ATG14: variants seen among roughly 807,000 people sequenced by gnomAD.
ATG14 encodes autophagy related 14.
Under a neutral mutation model 60.4 loss-of-function variants are expected in ATG14, and 35 were observed. That is an observed-to-expected ratio of 0.58 (90% CI 0.44 to 0.77). The LOEUF is 0.77. Ranked by LOEUF, ATG14 falls within the 30% of genes least tolerant of loss-of-function variation. The pLI, the probability that ATG14 is intolerant of heterozygous loss-of-function variation, is 0.00. For missense variants in ATG14, 647 were observed against 626.3 expected, an observed-to-expected ratio of 1.03 and a Z score of -0.35; for synonymous variants, 234 against 228.8, an observed-to-expected ratio of 1.02 and a Z score of -0.21.
At chr14:55,375,482 C>T (rs940503709) in intron 9 of ATG14, among the ~76,000 whole-genome samples, 20 of 141,368 alleles carry the variant, frequency 1.4e-4, no homozygotes, top group African/African-American at 4.7e-4. Flanking sequence ...ATTACCACGC[C>T]GGGCTAAATT....
At chr14:55,410,996 T>C (rs1034059846) in intron 1 of ATG14, among the ~76,000 whole-genome samples, 29 of 152,210 alleles carry the variant, frequency 1.9e-4, no homozygotes, top group African/African-American at 7.0e-4. Flanking sequence ...CAGCTCCCAA[T>C]CTGAATTTTA....
chr14:55,407,926 G>A (rs191554114), intron 1 of ATG14, among the ~76,000 whole-genome samples: 264 of 152,190 alleles, frequency 1.7e-3, no homozygotes, highest in African/African-American at 3.8e-3. Context: ...CAGAAGAAAC[G>A]GCAAGGAAAA....
intron 9 of ATG14, among the ~76,000 whole-genome samples, chr14:55,377,074 C>T (rs1192867912): frequency 1.3e-5 from 2 of 152,134 alleles, no homozygotes; most frequent in African/African-American, 2.4e-5. Context: ...TGGCCAGGCA[C>T]GGTGGCTCAA....
chr14:55,366,687 C>T lies in ATG14; in HGVS notation c.*2932G>A, dbSNP rs1325232999. The T allele has an allele frequency of 1.3e-5, 2 of 152,498 alleles. No individual in the cohort carries two copies. Among genetic ancestry groups the T allele is most frequent in the African/African-American group, 4.8e-5 (2 of 41,440 alleles). The allele number at this position is 152,498 out of a possible 1,614,324, so 9.4% of individuals were successfully genotyped here. A position where few individuals can be genotyped will look rare whatever the true frequency, so the allele number is the denominator to read the frequency against. ...AATGTCTTTAACAGACCATTTTAAG[C>T]AGCCTGTTTGGTGCCTGTGGGTTTT... is the stretch of plus-strand genomic sequence containing the variant. On this transcript the variant is annotated 3_prime_UTR_variant, in exon 10 of 10. Coordinates refer to ENST00000247178, the MANE Select transcript of ATG14 (RefSeq NM_014924.5).
chr14:55,378,920 C>A (rs2140127241), intron 7 of ATG14, among the ~76,000 whole-genome samples: 1 of 152,102 alleles, frequency 6.6e-6, no homozygotes, highest in East Asian at 1.9e-4. Context: ...GTTTCCCAGG[C>A]TGGTCTCTAA....
Position 55,386,799 on chromosome 14 carries a change from G to GC in ATG14, c.410-704dup, listed in dbSNP as rs773445604. Among the ~76,000 whole-genome samples, 5 of 152,276 alleles carry GC rather than the reference G, an allele frequency of 3.3e-5. No homozygotes were observed. In the East Asian group the frequency reaches 9.7e-4, roughly 29 times the overall value. ...AGTTCTGGATCCTACACCTGCTAGG[G>GC]CTGTTGGGCTGTAGCTAAACTTCAC... is the stretch of plus-strand genomic sequence containing the variant. On this transcript the variant is annotated intron_variant, in intron 4 of 9. Transcript: ENST00000247178.
intron 9 of ATG14, among the ~76,000 whole-genome samples, chr14:55,377,428 G>C (rs184720951): frequency 2.1e-4 from 32 of 152,238 alleles, no homozygotes; most frequent in African/African-American, 7.5e-4. Context: ...AAACAGGGCA[G>C]ACACTAGGTA....
At chr14:55,398,984 C>T (rs565419569) in intron 1 of ATG14, among the ~76,000 whole-genome samples, 31 of 152,248 alleles carry the variant, frequency 2.0e-4, no homozygotes, top group African/African-American at 7.0e-4. Flanking sequence ...CAAGAATAGG[C>T]TTTTGGCTAT....
chr14:55,398,647 C>A (rs1343434939), intron 1 of ATG14, among the ~76,000 whole-genome samples: 1 of 152,026 alleles, frequency 6.6e-6, no homozygotes, highest in African/African-American at 2.4e-5. Flanking sequence ...TGATTTCGAT[C>A]TTGTAACCTG....
chr14:55,370,857 T>A (rs1178050822), intron 9 of ATG14, among the ~76,000 whole-genome samples: 1 of 152,022 alleles, frequency 6.6e-6, no homozygotes, highest in Non-Finnish European at 1.5e-5. Context: ...GCCAGGCTGG[T>A]CTTGAACTCC....
chr14:55,375,119 C>T (rs1884893134), intron 9 of ATG14, among the ~76,000 whole-genome samples: 1 of 152,180 alleles, frequency 6.6e-6, no homozygotes, highest in Admixed American at 6.5e-5. Flanking sequence ...TTCAGCTCCA[C>T]TCCTCATACG....
chr14:55,386,468 A>C (rs1885127524), intron 4 of ATG14, among the ~76,000 whole-genome samples: 1 of 152,226 alleles, frequency 6.6e-6, no homozygotes, highest in Non-Finnish European at 1.5e-5. Flanking sequence ...CTTACTGGCT[A>C]TCTGATTTCC....
At chr14:55,403,227 G>A in intron 1 of ATG14, among the ~76,000 whole-genome samples, 1 of 151,808 alleles carries the variant, frequency 6.6e-6, no homozygotes. Context: ...GAAAGCAGTG[G>A]GTACAGATGC....
At chr14:55,408,497 C>A (rs1413699683) in intron 1 of ATG14, among the ~76,000 whole-genome samples, 1 of 152,040 alleles carries the variant, frequency 6.6e-6, no homozygotes, top group Admixed American at 6.6e-5. Flanking sequence ...AGCAGCCAGG[C>A]GTGGTGGCTC....
chr14:55,380,875 A>ATATATT (rs377330757), intron 6 of ATG14, among the ~76,000 whole-genome samples, 185 bp from the exon 7 acceptor site: 63 of 112,690 alleles, frequency 5.6e-4, no homozygotes, highest in African/African-American at 2.1e-3. Context: ...ATATATATAT[A>ATATATT]TTTTTTTTTT....
chr14:55,379,687 T>C (rs1304728305), intron 7 of ATG14, among the ~76,000 whole-genome samples: 2 of 152,242 alleles, frequency 1.3e-5, no homozygotes. Context: ...AAGATTGTAG[T>C]GCAAACTGGG....
intron 1 of ATG14, among the ~76,000 whole-genome samples, chr14:55,410,409 T>C (rs1174014478): frequency 6.6e-6 from 1 of 152,208 alleles, no homozygotes; most frequent in Non-Finnish European, 1.5e-5. Context: ...TTCCATCTCA[T>C]ACCCCGTATT....
intron 1 of ATG14, among the ~76,000 whole-genome samples, chr14:55,404,789 C>A (rs1004623114): frequency 6.6e-6 from 1 of 152,138 alleles, no homozygotes; most frequent in Non-Finnish European, 1.5e-5. Flanking sequence ...CTGTTATACA[C>A]ACACATGCAG....
intron 6 of ATG14, among the ~76,000 whole-genome samples, 185 bp from the exon 7 acceptor site, chr14:55,380,875 A>ATATATATATTTTTTTTTTTTT (rs377330757): frequency 1.8e-5 from 2 of 112,702 alleles, no homozygotes; most frequent in Non-Finnish European, 1.7e-5. Flanking sequence ...ATATATATAT[A>ATATATATATTTTTTTTTTTTT]TTTTTTTTTT....
Sources: allele counts gnomAD v4.1 joint callset (sites outside exome capture counted in the v4.1 genomes callset), GRCh38; gene constraint gnomAD v4.1.1; transcripts MANE v1.5; gene names NCBI Gene and HGNC (gene_info 2026-07-23, HGNC 2026-07-21).